Variants in AGBL4 observed in about 807,000 individuals in gnomAD.
The protein encoded by AGBL4 is cytosolic carboxypeptidase 6.
Under a neutral mutation model 66.4 loss-of-function variants are expected in AGBL4, and 58 were observed. The ratio of observed to expected loss-of-function variants is 0.87; its 90% CI spans 0.71 to 1.09. AGBL4 has a LOEUF of 1.09. Among genes scored for constraint, AGBL4 ranks in the 50% least tolerant of loss-of-function variants. The pLI, the probability that AGBL4 is intolerant of heterozygous loss-of-function variation, is 0.00. For missense variants in AGBL4, 579 were observed against 631.0 expected (o/e 0.92, Z 0.88); for synonymous variants, 234 against 222.9 (o/e 1.05, Z -0.44).
intron 3 of AGBL4, among the ~76,000 whole-genome samples, chr1:49,592,976 C>T (rs1571126560): frequency 6.6e-6 from 1 of 152,152 alleles, no homozygotes; most frequent in Non-Finnish European, 1.5e-5. Context: ...TTTGACAATG[C>T]TTATCCTAAT....
At chr1:49,752,405 T>C (rs928799274) in intron 2 of AGBL4, among the ~76,000 whole-genome samples, 1 of 152,226 alleles carries the variant, frequency 6.6e-6, no homozygotes, top group Admixed American at 6.5e-5. Flanking sequence ...TTCTTAATCC[T>C]GAGTTCCAAT....
intron 11 of AGBL4, among the ~76,000 whole-genome samples, chr1:48,545,630 A>AT (rs1424990469): frequency 6.6e-6 from 1 of 152,076 alleles, no homozygotes; most frequent in East Asian, 1.9e-4. Flanking sequence ...AATTCTCATC[A>AT]TTTTCAGGTT....
At chr1:49,618,348 A>G (rs1645289887) in intron 3 of AGBL4, among the ~76,000 whole-genome samples, 1 of 150,874 alleles carries the variant, frequency 6.6e-6, no homozygotes, top group South Asian at 2.1e-4. Flanking sequence ...AATGATGTAT[A>G]ATCCTTTGGG....
intron 3 of AGBL4, among the ~76,000 whole-genome samples, chr1:49,561,294 A>G (rs1403376001): frequency 6.6e-6 from 1 of 151,546 alleles, no homozygotes; most frequent in Non-Finnish European, 1.5e-5. Context: ...ATTTTTTATT[A>G]TTATTATTAT....
intron 2 of AGBL4, among the ~76,000 whole-genome samples, chr1:49,775,228 C>A (rs1644167251): frequency 6.6e-6 from 1 of 152,152 alleles, no homozygotes; most frequent in African/African-American, 2.4e-5. Context: ...TTAGGTAAAT[C>A]ACTTAACTAT....
chr1:49,952,943 T>C (rs550529849), intron 1 of AGBL4, among the ~76,000 whole-genome samples: 1 of 151,936 alleles, frequency 6.6e-6, no homozygotes, highest in Non-Finnish European at 1.5e-5. Context: ...CAATCCCCAA[T>C]AAATGGTAAG....
intron 5 of AGBL4, among the ~76,000 whole-genome samples, chr1:48,943,747 CTGGG>C (rs1350589637): frequency 6.7e-6 from 1 of 149,894 alleles, no homozygotes; most frequent in Non-Finnish European, 1.5e-5. Flanking sequence ...CTAACGGAGT[CTGGG>C]TGGTTGTTTG....
At chr1:49,480,845 T>C (rs1444208742) in intron 3 of AGBL4, among the ~76,000 whole-genome samples, 2 of 152,180 alleles carry the variant, frequency 1.3e-5, no homozygotes, top group African/African-American at 4.8e-5. Flanking sequence ...GTTTCATTTT[T>C]CTGCATATGG....
intron 5 of AGBL4, among the ~76,000 whole-genome samples, chr1:48,935,062 C>G (rs1655338093): frequency 6.6e-6 from 1 of 152,192 alleles, no homozygotes; most frequent in South Asian, 2.1e-4. Flanking sequence ...TAGAGACAAT[C>G]AATTTTGGTT....
At chr1:49,876,031 G>A (rs1449278072) in intron 1 of AGBL4, among the ~76,000 whole-genome samples, 1 of 146,168 alleles carries the variant, frequency 6.8e-6, no homozygotes, top group Non-Finnish European at 1.5e-5. Flanking sequence ...AAATTTGTTT[G>A]AGTTCATTGT....
In AGBL4 at chr1:49,238,766, C is replaced by T. The variant is rs147949418; in HGVS notation, c.377+7004G>A. On this transcript the variant is annotated intron_variant, in intron 4 of 13. Coordinates refer to ENST00000371839, the MANE Select transcript of AGBL4 (RefSeq NM_032785.4). ...CATGCTAGACTGCCCTTTTTCTGGT[C>T]CTTCATTTAGTATGAAAATATTTTG... 3.5e-3 allele frequency among the ~76,000 whole-genome samples: 530 copies of T among 152,226 alleles called. 1 individual carries two copies. The highest frequency in any genetic ancestry group is 5.5e-3 in the Non-Finnish European group (377 of 68,018).
At chr1:49,384,080 C>T (rs1376291963) in intron 3 of AGBL4, among the ~76,000 whole-genome samples, 2 of 151,938 alleles carry the variant, frequency 1.3e-5, no homozygotes, top group African/African-American at 4.8e-5. Context: ...TAGGCATGAG[C>T]CACCATGCCC....
At chr1:48,595,595 G>A (rs1644982941) in intron 9 of AGBL4, among the ~76,000 whole-genome samples, 1 of 152,110 alleles carries the variant, frequency 6.6e-6, no homozygotes, top group Admixed American at 6.5e-5. Context: ...AATGATGAAG[G>A]GCTGTCCCCT....
intron 9 of AGBL4, among the ~76,000 whole-genome samples, chr1:48,633,596 A>C (rs1645624089): frequency 6.6e-6 from 1 of 151,924 alleles, no homozygotes; most frequent in Non-Finnish European, 1.5e-5. Context: ...ACACACACAT[A>C]CTCCATTCTT....
At chr1:48,709,689 C>T (rs1362535671) in intron 6 of AGBL4, among the ~76,000 whole-genome samples, 2 of 151,762 alleles carry the variant, frequency 1.3e-5, no homozygotes, top group Non-Finnish European at 2.9e-5. Context: ...GCAAGGTCTG[C>T]CTTCCAGGTT....
rs562309783 is a variant in AGBL4 at position 49,996,543 on chromosome 1, C to G, written c.34+27220G>C. 4.6e-4 allele frequency among the ~76,000 whole-genome samples: 70 copies of G among 152,116 alleles called. 1 individual carries two copies. Among genetic ancestry groups the G allele is most frequent in the African/African-American group, 1.5e-3 (63 of 41,536 alleles). On this transcript the variant is annotated intron_variant, in intron 1 of 13. Coordinates refer to ENST00000371839, the MANE Select transcript of AGBL4 (RefSeq NM_032785.4). ...AAAGGAATAAAAAAAATGAACAAAG[C>G]CTCCAAGAAGTCTGGGATTATGGTA...
intron 3 of AGBL4, among the ~76,000 whole-genome samples, chr1:49,322,524 T>C (rs944368617): frequency 6.6e-6 from 1 of 152,228 alleles, no homozygotes; most frequent in African/African-American, 2.4e-5. Context: ...TAATTAAGGA[T>C]TCTGAGATGA....
chr1:48,755,569 T>C (rs1187155263), intron 6 of AGBL4, among the ~76,000 whole-genome samples: 3 of 152,174 alleles, frequency 2.0e-5, no homozygotes, highest in African/African-American at 4.8e-5. Context: ...ACCCAGGACA[T>C]GTTTCTCAGA....
intron 3 of AGBL4, among the ~76,000 whole-genome samples, chr1:49,392,461 T>C (rs1644871472): frequency 6.6e-6 from 1 of 152,216 alleles, no homozygotes. Flanking sequence ...GGTCAATGTG[T>C]AACTTCTGTT....
Sources: gnomAD v4.1 joint callset for allele counts (sites outside exome capture counted in the v4.1 genomes callset) on GRCh38, gnomAD v4.1.1 for gene constraint, MANE v1.5 for transcripts, NCBI Gene and HGNC (gene_info 2026-07-23, HGNC 2026-07-21) for gene names.